PIK3C2B: variants seen among roughly 807,000 people sequenced by gnomAD.
PIK3C2B encodes the protein phosphatidylinositol-4-phosphate 3-kinase catalytic subunit type 2 beta, also known as phosphatidylinositol 4-phosphate 3-kinase C2 domain-containing subunit beta.
Under a neutral mutation model 184.3 loss-of-function variants are expected in PIK3C2B, and 83 were observed. That is an observed-to-expected ratio of 0.45 (90% CI 0.38 to 0.54). The LOEUF (loss-of-function observed/expected upper bound fraction) is 0.54, where lower values mean the gene tolerates loss of function less well. Among genes scored for constraint, PIK3C2B ranks in the 20% least tolerant of loss-of-function variants. The pLI is 0.00. For missense variants in PIK3C2B, 1,736 were observed against 2,113.5 expected, an observed-to-expected ratio of 0.82 and a Z score of 3.50; for synonymous variants, 779 against 837.6, an observed-to-expected ratio of 0.93 and a Z score of 1.21.
intron 5 of PIK3C2B, among the ~76,000 whole-genome samples, chr1:204,462,740 A>T (rs532845695): frequency 1.3e-5 from 2 of 152,288 alleles, no homozygotes; most frequent in African/African-American, 4.8e-5. Flanking sequence ...AAAGGACCCC[A>T]CAATATCCTT....
intron 8 of PIK3C2B, among the ~76,000 whole-genome samples, chr1:204,459,289 T>C (rs1415605172): frequency 6.6e-6 from 1 of 152,226 alleles, no homozygotes; most frequent in Non-Finnish European, 1.5e-5. Context: ...AGGGTTAGGA[T>C]TACAGGCGTG....
intron 24 of PIK3C2B, 85 bp downstream of exon 24, chr1:204,434,354 A>G (rs1456553134): frequency 1.0e-5 from 13 of 1,244,108 alleles, no homozygotes; most frequent in Non-Finnish European, 1.5e-5. Context: ...AGCTGCTTCC[A>G]TCATGGGCTT....
At chr1:204,474,405 G>A (rs1007001953) in intron 1 of PIK3C2B, among the ~76,000 whole-genome samples, 14 of 152,016 alleles carry the variant, frequency 9.2e-5, no homozygotes, top group African/African-American at 3.4e-4. Flanking sequence ...TTAACTCATT[G>A]TAATCTGGTG....
At chr1:204,430,698 G>A (rs539124812) in intron 28 of PIK3C2B, among the ~76,000 whole-genome samples, 1 of 149,114 alleles carries the variant, frequency 6.7e-6, no homozygotes, top group African/African-American at 2.5e-5. Flanking sequence ...TCGCTTTGCC[G>A]CCCAGGCTGG....
In PIK3C2B at chr1:204,423,249, A is replaced by AG. The variant is rs1674577455; in HGVS notation, c.*1602_*1603insC. 2.6e-5 allele frequency: 4 copies of AG among 152,254 alleles called. No homozygotes were observed. Among genetic ancestry groups the AG allele is most frequent in the African/African-American group, 9.7e-5 (4 of 41,436 alleles). The allele number at this position is 152,254 out of a possible 1,614,324, so 9.4% of individuals were successfully genotyped here. A position where few individuals can be genotyped will look rare whatever the true frequency, so the allele number is the denominator to read the frequency against. ...CAGATCACGAGGTCAAGAGATCGAG[A>AG]CCATCCTGGCCAACATGGTGAAACC... On this transcript the variant is annotated 3_prime_UTR_variant, in exon 33 of 33. Transcript: ENST00000684373.
At position 204,422,929 on chromosome 1, in the gene PIK3C2B, A is replaced by G. The variant is rs919551036; in HGVS notation, c.*1923T>C. The G allele has an allele frequency of 1.3e-5, 2 of 152,466 alleles. No homozygotes were observed. Among genetic ancestry groups the G allele is most frequent in the Non-Finnish European group, 2.9e-5 (2 of 68,036 alleles). The allele number at this position is 152,466 out of a possible 1,614,324, so 9.4% of individuals were successfully genotyped here. On this transcript the variant is annotated 3_prime_UTR_variant, in exon 33 of 33. Transcript: ENST00000684373. Reference sequence around the variant, plus strand: ...CCATGCTGCCCTGTGGCTTCGGTCAATGGAGCTTCTTTCTCCAGTTATGGA... The same window carrying G: ...CCATGCTGCCCTGTGGCTTCGGTCAGTGGAGCTTCTTTCTCCAGTTATGGA...
intron 1 of PIK3C2B, among the ~76,000 whole-genome samples, chr1:204,484,959 G>A (rs916224519): frequency 2.0e-5 from 3 of 152,094 alleles, no homozygotes; most frequent in Non-Finnish European, 4.4e-5. Flanking sequence ...AGTGATAGAG[G>A]TGAGACCAGA....
At position 204,479,618 on chromosome 1, in the gene PIK3C2B, CG is replaced by C. The variant is rs1656973853; in HGVS notation, c.-84-9733del. 2.6e-5 allele frequency among the ~76,000 whole-genome samples: 4 copies of C among 152,322 alleles called. No individual in the cohort carries two copies. The South Asian group carries it at 8.3e-4, about 32-fold the overall frequency. On this transcript the variant is annotated intron_variant, in intron 1 of 32. Coordinates refer to ENST00000684373, the MANE Select transcript of PIK3C2B (RefSeq NM_001377334.1). Reference sequence around the variant, plus strand: ...CACAGAAAATGGGTGGAGTTAGAGACGAAGACACAGTAGCTCTCTTTAGGCC... The same window carrying C: ...CACAGAAAATGGGTGGAGTTAGAGACAAGACACAGTAGCTCTCTTTAGGCC...
intron 1 of PIK3C2B, among the ~76,000 whole-genome samples, chr1:204,490,734 G>A (rs1197016717): frequency 2.0e-5 from 3 of 151,216 alleles, no homozygotes; most frequent in South Asian, 2.1e-4. Context: ...GATCAGTCTA[G>A]GCAACATAGT....
chr1:204,423,931 G>C lies in PIK3C2B; in HGVS notation c.*921C>G, dbSNP rs1009503586. The C allele has an allele frequency of 1.3e-5, 2 of 152,570 alleles. No homozygotes were observed. Among genetic ancestry groups the C allele is most frequent in the African/African-American group, 4.8e-5 (2 of 41,402 alleles). The allele number at this position is 152,570 out of a possible 1,614,324, so 9.5% of individuals were successfully genotyped here. On this transcript the variant is annotated 3_prime_UTR_variant, in exon 33 of 33. Coordinates refer to ENST00000684373, the MANE Select transcript of PIK3C2B (RefSeq NM_001377334.1). ...TTTTGTCCCACCAGAGACAAATGAA[G>C]GGAGAGACCTATGGGGAAGCACCCC...
Position 204,444,087 on chromosome 1 carries a change from C to A in PIK3C2B, c.2848G>T (p.Val950Leu). ...TTTTACCAGAAGAAGTAGTGAGTCA[C>A]TCTCAAGTCAGACACAGCTCGTTTC... Reference protein sequence around the residue: ...LLKRAVSDLRVTHYFFWLLKD... With the variant: ...LLKRAVSDLRLTHYFFWLLKD... Residue 950 changes from valine to leucine, a missense_variant, in exon 18 of 33, where the codon GTG becomes TTG. Val to Leu is a conservative substitution (Grantham distance 32). Coordinates refer to ENST00000684373, the MANE Select transcript of PIK3C2B (RefSeq NM_001377334.1). The A allele has an allele frequency of 6.2e-7, 1 of 1,612,710 alleles. No individual in the cohort carries two copies. Among genetic ancestry groups the A allele is most frequent in the Non-Finnish European group, 8.5e-7 (1 of 1,178,654 alleles).
At chr1:204,472,188 G>A (rs971405714) in intron 1 of PIK3C2B, among the ~76,000 whole-genome samples, 2 of 150,574 alleles carry the variant, frequency 1.3e-5, no homozygotes, top group Non-Finnish European at 3.0e-5. Context: ...TTTTGAGACG[G>A]AGTCTCACTC....
At chr1:204,476,019 G>A (rs1449013149) in intron 1 of PIK3C2B, among the ~76,000 whole-genome samples, 9 of 152,130 alleles carry the variant, frequency 5.9e-5, no homozygotes, top group Non-Finnish European at 1.3e-4. Flanking sequence ...ACAGGACCAA[G>A]AAGGCCACCC....
chr1:204,461,045 G>A (rs1159868692), intron 5 of PIK3C2B, among the ~76,000 whole-genome samples: 1 of 152,158 alleles, frequency 6.6e-6, no homozygotes, highest in African/African-American at 2.4e-5. Context: ...GGGACAACCA[G>A]GAAGAGACAT....
At chr1:204,458,177 T>A (rs1655026517) in intron 8 of PIK3C2B, among the ~76,000 whole-genome samples, 1 of 152,040 alleles carries the variant, frequency 6.6e-6, no homozygotes, top group South Asian at 2.1e-4. Context: ...ATATACAGGG[T>A]CTCTCCCAGA....
At chr1:204,463,968 TTAC>T (rs1655542456) in intron 5 of PIK3C2B, 41 bp downstream of exon 5, 3 of 1,603,318 alleles carry the variant, frequency 1.9e-6, no homozygotes, top group Non-Finnish European at 2.6e-6. Context: ...CCTCACAATC[TTAC>T]TACCAGGAAG....
chr1:204,465,169 C>CCCCAACCCCCAAAG, intron 3 of PIK3C2B, 50 bp downstream of exon 3: 1 of 760,070 alleles, frequency 1.3e-6, no homozygotes, highest in Non-Finnish European at 2.3e-6. Flanking sequence ...TGGCCCCCCT[C>CCCCAACCCCCAAAG]CCCATCCCCC....
rs748643053 is a variant in PIK3C2B at position 204,469,722 on chromosome 1, G to A, written c.81C>T (p.Ala27=). Residue 27 remains alanine (A), a synonymous_variant, in exon 2 of 33, where the codon GCC becomes GCT. Transcript: ENST00000684373. ...VGISRKELAM[A]EALQMEYDAL... The stretch of plus-strand genomic sequence containing the variant: ...CATCATACTCCATCTGCAGGGCTTC[G>A]GCCATCGCTAGCTCTTTGCGGCTGA... 3.5e-5 allele frequency: 56 copies of A among 1,613,802 alleles called. No individual in the cohort carries two copies. The highest frequency in any genetic ancestry group is 6.7e-5 in the East Asian group (3 of 44,880).
chr1:204,426,172 C>G (rs1198971157), intron 31 of PIK3C2B, among the ~76,000 whole-genome samples: 2 of 152,222 alleles, frequency 1.3e-5, no homozygotes, highest in African/African-American at 2.4e-5. Context: ...ATTCACCCAG[C>G]CTGATCCTTT....
Sources: allele counts gnomAD v4.1 joint callset (sites outside exome capture counted in the v4.1 genomes callset), GRCh38; gene constraint gnomAD v4.1.1; transcripts MANE v1.5; gene names NCBI Gene and HGNC (gene_info 2026-07-23, HGNC 2026-07-21).